SHROOM4: variants seen among roughly 807,000 people sequenced by gnomAD.
The protein encoded by SHROOM4 is protein Shroom4.
SHROOM4 carries 17 observed loss-of-function variants against 80.3 expected under a neutral mutation model. The ratio of observed to expected loss-of-function variants is 0.21; its 90% confidence interval spans 0.14 to 0.32. The LOEUF (loss-of-function observed/expected upper bound fraction) is 0.32, where lower values mean the gene tolerates loss of function less well. SHROOM4 is among the 10% of genes least tolerant of loss of function. SHROOM4 has a pLI of 1.00. For synonymous variants in SHROOM4, 400 were observed against 437.5 expected (o/e 0.91, Z 1.07); for missense variants, 993 against 1,140.3 (o/e 0.87, Z 1.86).
chrX:50,782,669 T>G (rs1935655515), intron 1 of SHROOM4, among the ~76,000 whole-genome samples: 2 of 112,187 alleles, frequency 1.8e-5, no homozygotes, highest in Admixed American at 9.4e-5. Flanking sequence ...TGGGATAGTA[T>G]TCACCCTTAA....
At chrX:50,755,773 G>T (rs1242638872) in intron 1 of SHROOM4, among the ~76,000 whole-genome samples, 5 of 111,411 alleles carry the variant, frequency 4.5e-5, no homozygotes, top group African/African-American at 1.6e-4. Context: ...TCAAGGCAAG[G>T]GAAAGTTGGA....
At chrX:50,600,133 T>C (rs1372585516) in intron 7 of SHROOM4, among the ~76,000 whole-genome samples, 2 of 112,089 alleles carry the variant, frequency 1.8e-5, no homozygotes, top group East Asian at 2.8e-4. Flanking sequence ...GATTTTCTGA[T>C]GGGTAAATGA....
chrX:50,778,131 A>G (rs920094653), intron 1 of SHROOM4, among the ~76,000 whole-genome samples: 1 of 111,601 alleles, frequency 9.0e-6, no homozygotes, highest in Admixed American at 9.5e-5. Flanking sequence ...ACCCTCCACA[A>G]TGTATCAAGA....
chrX:50,587,362 G>T lies in SHROOM4; in HGVS notation c.*9333C>A, dbSNP rs1301131449. On this transcript the variant is annotated 3_prime_UTR_variant, in exon 9 of 9. Transcript: ENST00000376020. Reference sequence around the variant, plus strand: ...AATATTAAGAATACGATGACCATATGATGCAGAGATTCTTCTTCTGGGTAA... The same window carrying T: ...AATATTAAGAATACGATGACCATATTATGCAGAGATTCTTCTTCTGGGTAA... 8.9e-6 allele frequency among the ~76,000 whole-genome samples: 1 copy of T among 112,124 alleles called. No individual in the cohort carries two copies. The highest frequency in any genetic ancestry group is 2.8e-4 in the East Asian group (1 of 3,565).
intron 1 of SHROOM4, among the ~76,000 whole-genome samples, chrX:50,710,410 G>A (rs1933782323): frequency 9.0e-6 from 1 of 111,551 alleles, no homozygotes; most frequent in South Asian, 3.8e-4. Context: ...AATTAATGCA[G>A]GAACAGAAAA....
At chrX:50,720,898 C>G (rs1934093533) in intron 1 of SHROOM4, among the ~76,000 whole-genome samples, 1 of 111,717 alleles carries the variant, frequency 9.0e-6, no homozygotes, top group Non-Finnish European at 1.9e-5. Flanking sequence ...GTGGGATCAC[C>G]TGAGGGTGAG....
Position 50,633,166 on chromosome X carries a change from C to T in SHROOM4, c.2895+12G>A. Reference sequence around the variant, plus strand: ...ATAATGAAGGTTACCCACCCAAGAACCAAGTCCTCACCTGCACTGTCAGCT... The same window carrying T: ...ATAATGAAGGTTACCCACCCAAGAATCAAGTCCTCACCTGCACTGTCAGCT... On this transcript the variant is annotated intron_variant, in intron 4 of 8. Transcript: ENST00000376020. The T allele has an allele frequency of 8.3e-7, 1 of 1,207,215 alleles. No homozygotes were observed. Among genetic ancestry groups the T allele is most frequent in the Non-Finnish European group, 1.1e-6 (1 of 892,228 alleles).
At position 50,592,579 on chromosome X, in the gene SHROOM4, G is replaced by A. The variant is rs960597216; in HGVS notation, c.*4116C>T. ...GATAGTTGGAATGTGAACAGAATATGGATCACGAAAAAAGAAAGCTTTTCA... is the reference window on the plus strand; with the variant it reads ...GATAGTTGGAATGTGAACAGAATATAGATCACGAAAAAAGAAAGCTTTTCA... On this transcript the variant is annotated 3_prime_UTR_variant, in exon 9 of 9. Transcript: ENST00000376020. The A allele has an allele frequency of 1.5e-4, 19 of 129,603 alleles. No homozygotes were observed. The highest frequency in any genetic ancestry group is 4.8e-4 in the Admixed American group (6 of 12,597). 10.7% of individuals were successfully genotyped at this position (129,603 alleles called of 1,213,427 possible). A position where few individuals can be genotyped will look rare whatever the true frequency, so the allele number is the denominator to read the frequency against.
intron 5 of SHROOM4, among the ~76,000 whole-genome samples, chrX:50,614,714 T>C (rs782332298): frequency 3.2e-4 from 36 of 112,267 alleles, no homozygotes; most frequent in Admixed American, 8.4e-4. Context: ...GTTCAACTTC[T>C]AGGGATTTAT....
intron 4 of SHROOM4, 45 bp downstream of exon 4, chrX:50,633,133 C>T (rs781913225): frequency 1.8e-6 from 2 of 1,112,958 alleles, no homozygotes; most frequent in Admixed American, 4.6e-5. Flanking sequence ...TTTCCCCTCT[C>T]AAAGACAATA....
At chrX:50,793,935 C>A (rs1557271791) in intron 1 of SHROOM4, among the ~76,000 whole-genome samples, 1 of 109,318 alleles carries the variant, frequency 9.1e-6, no homozygotes, top group African/African-American at 3.3e-5. Context: ...CCATATGGTT[C>A]AGTAATAATC....
At position 50,627,689 on chromosome X, in the gene SHROOM4, T is replaced by C. The variant is rs782540646; in HGVS notation, c.2896-14A>G. On this transcript the variant is annotated splice_polypyrimidine_tract_variant and intron_variant, in intron 4 of 8. Transcript: ENST00000376020. ...CCCAGGAAATTCCTGTAAAGAAAAA[T>C]CCTGATAAGTTAGAAAGCTTTGAGC... The C allele has an allele frequency of 8.4e-7, 1 of 1,194,415 alleles. No individual in the cohort carries two copies. Among genetic ancestry groups the C allele is most frequent in the Admixed American group, 2.2e-5 (1 of 45,684 alleles).
intron 1 of SHROOM4, among the ~76,000 whole-genome samples, chrX:50,746,868 G>A (rs1163740152): frequency 8.9e-6 from 1 of 112,029 alleles, no homozygotes; most frequent in Non-Finnish European, 1.9e-5. Flanking sequence ...TCTTCAAGAG[G>A]AAAATGATAT....
intron 7 of SHROOM4, among the ~76,000 whole-genome samples, chrX:50,600,873 T>A (rs193136149): frequency 0.013 from 1,413 of 111,817 alleles, 28 homozygotes; most frequent in African/African-American, 0.044. Flanking sequence ...AGGCTGTCAG[T>A]TATATTCCCA....
intron 1 of SHROOM4, among the ~76,000 whole-genome samples, chrX:50,717,130 G>A (rs1933975754): frequency 8.9e-6 from 1 of 111,963 alleles, no homozygotes; most frequent in African/African-American, 3.2e-5. Flanking sequence ...GGGGTAAGGG[G>A]GATCCATCTC....
At chrX:50,766,351 G>GAC (rs1188132337) in intron 1 of SHROOM4, among the ~76,000 whole-genome samples, 3 of 109,911 alleles carry the variant, frequency 2.7e-5, no homozygotes, top group Non-Finnish European at 5.7e-5. Context: ...GAGACAGAAA[G>GAC]ACACACACAC....
intron 1 of SHROOM4, among the ~76,000 whole-genome samples, chrX:50,701,227 G>GA (rs1933507216): frequency 9.0e-6 from 1 of 111,694 alleles, no homozygotes; most frequent in Non-Finnish European, 1.9e-5. Flanking sequence ...ACTCAGCCCA[G>GA]TGCCACCAGC....
At chrX:50,652,152 C>T (rs181793456) in intron 2 of SHROOM4, among the ~76,000 whole-genome samples, 29 of 111,814 alleles carry the variant, frequency 2.6e-4, no homozygotes, top group East Asian at 5.6e-4. Context: ...CTTGAGGAAT[C>T]GCCACACTAT....
chrX:50,699,349 A>G (rs781850041), intron 1 of SHROOM4, among the ~76,000 whole-genome samples: 1 of 111,836 alleles, frequency 8.9e-6, no homozygotes, highest in South Asian at 3.8e-4. Flanking sequence ...CTCTTCTCTT[A>G]CTGGTAAAAT....
Sources: gnomAD v4.1 joint callset for allele counts (sites outside exome capture counted in the v4.1 genomes callset) on GRCh38, gnomAD v4.1.1 for gene constraint, MANE v1.5 for transcripts, NCBI Gene and HGNC (gene_info 2026-07-23, HGNC 2026-07-21) for gene names.